GPHN: variants seen among roughly 807,000 people sequenced by gnomAD.
GPHN encodes the protein gephyrin.
In GPHN, 17 loss-of-function variants were observed where a neutral mutation model predicts 95.5. That is an observed-to-expected ratio of 0.18 (90% CI 0.12 to 0.27). The LOEUF is 0.27. Among genes scored for constraint, GPHN ranks in the 10% least tolerant of loss-of-function variants. The probability of loss-of-function intolerance (pLI) is 1.00; values close to 1 mark genes in which losing one functional copy is unlikely to be tolerated. For missense variants in GPHN, 660 were observed against 978.1 expected (o/e 0.67, Z 4.34); for synonymous variants, 320 against 322.5 (o/e 0.99, Z 0.08).
At chr14:66,773,801 G>A (rs900511592) in intron 2 of GPHN, among the ~76,000 whole-genome samples, 7 of 151,984 alleles carry the variant, frequency 4.6e-5, no homozygotes, top group African/African-American at 1.7e-4. Context: ...CAAACTCCTG[G>A]CCTCAAGAAA....
chr14:66,631,403 A>T (rs763105919), intron 1 of GPHN, among the ~76,000 whole-genome samples: 2 of 152,126 alleles, frequency 1.3e-5, no homozygotes, highest in Non-Finnish European at 2.9e-5. Flanking sequence ...TGTATTTATT[A>T]TTCTTGAGTT....
Position 66,680,961 on chromosome 14 carries a change from G to T in GPHN, c.65-146G>T, listed in dbSNP as rs1453716770. ...TAATATTTGTTGCTAAATTCACCAG[G>T]CCTATAAATAAATCAATAGTAATGT... On this transcript the variant is annotated intron_variant, in intron 1 of 22. Transcript: ENST00000478722. 1.1e-5 allele frequency: 7 copies of T among 615,036 alleles called. No individual in the cohort carries two copies. In the South Asian group the frequency reaches 1.3e-4, roughly 12 times the overall value. The allele number at this position is 615,036 out of a possible 1,614,324, so 38.1% of individuals were successfully genotyped here.
chr14:67,623,522 C>T, the GPHN span, among the ~76,000 whole-genome samples: 35 of 145,990 alleles, frequency 2.4e-4, no homozygotes, highest in South Asian at 5.5e-3. Flanking sequence ...CTCAACAGTA[C>T]TCTCAGGTAA....
At chr14:67,692,367 T>C in the GPHN span, 6 of 1,540,130 alleles carry the variant, frequency 3.9e-6, no homozygotes, top group Non-Finnish European at 5.3e-6. Flanking sequence ...AAGAGGGACC[T>C]TTTCCTTTTA....
chr14:67,573,948 C>T, the GPHN span: 4 of 1,230,638 alleles, frequency 3.3e-6, no homozygotes, highest in Non-Finnish European at 4.8e-6. This position sits in a 1 kb window ranked among gnomAD's most constrained non-coding sequence, Gnocchi z 4.8. Flanking sequence ...TGGATATGGC[C>T]GTGAGTGAGA....
chr14:66,720,939 TA>T (rs1193305539), intron 2 of GPHN, among the ~76,000 whole-genome samples: 1 of 152,200 alleles, frequency 6.6e-6, no homozygotes, highest in Non-Finnish European at 1.5e-5. Flanking sequence ...ATGCTTTTCT[TA>T]AATCTGGAAG....
At chr14:66,827,993 G>A (rs2153495757) in intron 4 of GPHN, among the ~76,000 whole-genome samples, 1 of 151,898 alleles carries the variant, frequency 6.6e-6, no homozygotes, top group Non-Finnish European at 1.5e-5. Flanking sequence ...TATACCTATA[G>A]CAGCTACATA....
At chr14:67,650,353 T>A in the GPHN span, 1 of 289,852 alleles carries the variant, frequency 3.5e-6, no homozygotes. Flanking sequence ...GGAAGGTTCC[T>A]AGTCATACTG....
intron 11 of GPHN, among the ~76,000 whole-genome samples, chr14:67,071,635 T>G (rs1022865724): frequency 4.0e-5 from 6 of 151,772 alleles, no homozygotes; most frequent in Non-Finnish European, 8.8e-5. Context: ...AGTATAATAA[T>G]AAAAAATTTA....
At chr14:67,294,314 CAT>C in the GPHN span, 1 of 152,022 alleles carries the variant, frequency 6.6e-6, no homozygotes, top group African/African-American at 2.4e-5. Context: ...GAAAAAAGCA[CAT>C]AGTCAGAACT....
At chr14:66,707,844 T>C (rs1279026624) in intron 2 of GPHN, among the ~76,000 whole-genome samples, 1 of 152,194 alleles carries the variant, frequency 6.6e-6, no homozygotes, top group African/African-American at 2.4e-5. Context: ...AAGTGATGTT[T>C]CAATGTAGGT....
intron 1 of GPHN, among the ~76,000 whole-genome samples, chr14:66,600,092 C>T (rs1461395864): frequency 6.6e-6 from 1 of 151,816 alleles, no homozygotes; most frequent in East Asian, 1.9e-4. Context: ...GTTTTGGATT[C>T]TTTTGCATAT....
the GPHN span, among the ~76,000 whole-genome samples, chr14:67,213,168 TTTA>T: frequency 1.7e-4 from 25 of 151,242 alleles, no homozygotes; most frequent in African/African-American, 2.7e-4. Flanking sequence ...TTTATTTTAT[TTTA>T]TTATTATTAT....
chr14:67,210,960 A>ACT, the GPHN span, among the ~76,000 whole-genome samples: 1 of 152,130 alleles, frequency 6.6e-6, no homozygotes, highest in Non-Finnish European at 1.5e-5. Flanking sequence ...AGATTGCACC[A>ACT]CTGCACTCCA....
chr14:67,467,747 G>C, the GPHN span: 1 of 152,294 alleles, frequency 6.6e-6, no homozygotes, highest in South Asian at 2.1e-4. Flanking sequence ...TCCTGCCCCC[G>C]GTGGAAGGTC....
At chr14:66,533,605 ACTTATC>A (rs1017001601) in intron 1 of GPHN, among the ~76,000 whole-genome samples, 17 of 152,330 alleles carry the variant, frequency 1.1e-4, no homozygotes, top group African/African-American at 3.8e-4. Flanking sequence ...AGAATGAATA[ACTTATC>A]CTTAGAAAAG....
chr14:66,625,419 A>G (rs2063488232), intron 1 of GPHN, among the ~76,000 whole-genome samples: 1 of 151,898 alleles, frequency 6.6e-6, no homozygotes, highest in Non-Finnish European at 1.5e-5. Context: ...TTACTTGATC[A>G]GCCCCTCCCT....
At chr14:67,367,626 C>T in the GPHN span, among the ~76,000 whole-genome samples, 5 of 138,542 alleles carry the variant, frequency 3.6e-5, no homozygotes, top group Middle Eastern at 3.4e-3. Context: ...TGCGTGAACT[C>T]ACAAATTCAA....
chr14:67,661,036 C>T, the GPHN span, among the ~76,000 whole-genome samples: 1 of 152,026 alleles, frequency 6.6e-6, no homozygotes, highest in African/African-American at 2.4e-5. Flanking sequence ...GATGTGCTTC[C>T]TTCTCAGAAC....
Sources: gnomAD v4.1 joint callset for allele counts (sites outside exome capture counted in the v4.1 genomes callset) on GRCh38, gnomAD v4.1.1 for gene constraint, Gnocchi (gnomAD v3.1) non-coding constraint, MANE v1.5 for transcripts, NCBI Gene and HGNC (gene_info 2026-07-23, HGNC 2026-07-21) for gene names.